The following KCNQ5 variants were observed in gnomAD, a reference collection of about 807,000 sequenced individuals.
KCNQ5 encodes potassium voltage-gated channel subfamily Q member 5.
KCNQ5 carries 30 observed loss-of-function variants against 98.2 expected under a neutral mutation model. That is an observed-to-expected ratio of 0.31 (90% CI 0.23 to 0.41). The LOEUF (loss-of-function observed/expected upper bound fraction) is 0.41. Among genes scored for constraint, KCNQ5 ranks in the 10% least tolerant of loss-of-function variants. The pLI is 1.00. For missense variants in KCNQ5, 835 were observed against 1,182.5 expected, an observed-to-expected ratio of 0.71 and a Z score of 4.31; for synonymous variants, 458 against 449.4, an observed-to-expected ratio of 1.02 and a Z score of -0.24.
intron 1 of KCNQ5, among the ~76,000 whole-genome samples, chr6:72,853,186 C>T (rs1382119128): frequency 1.3e-5 from 2 of 152,120 alleles, no homozygotes; most frequent in African/African-American, 2.4e-5. Flanking sequence ...TCTTATGTCC[C>T]CTTCTTCCAA....
chr6:73,187,606 A>C (rs1765425883), intron 11 of KCNQ5, among the ~76,000 whole-genome samples: 1 of 152,220 alleles, frequency 6.6e-6, no homozygotes, highest in African/African-American at 2.4e-5. Context: ...GAGTTTTAAA[A>C]TCTACTCTGT....
intron 1 of KCNQ5, among the ~76,000 whole-genome samples, chr6:72,785,517 G>A (rs569860656): frequency 6.6e-6 from 1 of 152,022 alleles, no homozygotes; most frequent in Non-Finnish European, 1.5e-5. Context: ...GGACATGATG[G>A]TGGGCGCCTG....
At chr6:72,939,866 T>C (rs1364111509) in intron 1 of KCNQ5, among the ~76,000 whole-genome samples, 1 of 152,210 alleles carries the variant, frequency 6.6e-6, no homozygotes, top group East Asian at 1.9e-4. Flanking sequence ...TTCACGTCTA[T>C]GAAGATGAGT....
intron 1 of KCNQ5, among the ~76,000 whole-genome samples, chr6:72,870,535 G>A (rs1431647713): frequency 6.6e-6 from 1 of 152,104 alleles, no homozygotes; most frequent in Non-Finnish European, 1.5e-5. Context: ...ACAAGTGTGA[G>A]CCACTGCACC....
chr6:72,921,412 G>T (rs1381141587), intron 1 of KCNQ5, among the ~76,000 whole-genome samples: 1 of 152,188 alleles, frequency 6.6e-6, no homozygotes, highest in East Asian at 1.9e-4. Context: ...AGTAGAAGAT[G>T]AGCAAGAAAT....
rs527451998 is a variant in KCNQ5 at position 73,053,335 on chromosome 6, T to C, written c.616+11273T>C. Among the ~76,000 whole-genome samples, 9 of 152,116 alleles carry C rather than the reference T, an allele frequency of 5.9e-5. 1 individual carries two copies. In the South Asian group the frequency reaches 1.9e-3, roughly 32 times the overall value. ...CATCCCACTGGCAGTATTAGACAGG[T>C]CATTGAGGCAGAAAACTAACAAAGA... On this transcript the variant is annotated intron_variant, in intron 3 of 13. Coordinates refer to ENST00000370398, the MANE Select transcript of KCNQ5 (RefSeq NM_019842.4).
rs184520849 is a variant in KCNQ5, at chr6:72,874,640, A to G, written c.399-129268A>G. 4.0e-3 allele frequency among the ~76,000 whole-genome samples: 606 copies of G among 152,228 alleles called. 2 individuals are homozygous for G. The highest frequency in any genetic ancestry group is 6.0e-3 in the Non-Finnish European group (410 of 68,004). The stretch of plus-strand genomic sequence containing the variant: ...CATAAATAATAATAATAACAGCTAC[A>G]TTTTACTGAGTGCCTGCCATAAACC... On this transcript the variant is annotated intron_variant, in intron 1 of 13. Transcript: ENST00000370398.
At chr6:72,718,147 T>G (rs1479493074) in intron 1 of KCNQ5, among the ~76,000 whole-genome samples, 1 of 152,150 alleles carries the variant, frequency 6.6e-6, no homozygotes, top group Non-Finnish European at 1.5e-5. Flanking sequence ...TGCTAAAAAT[T>G]TGCCTTGAGT....
At chr6:73,042,900 T>C (rs1044921532) in intron 3 of KCNQ5, among the ~76,000 whole-genome samples, 5 of 152,234 alleles carry the variant, frequency 3.3e-5, no homozygotes, top group Non-Finnish European at 7.3e-5. Flanking sequence ...GCTCTCTTGC[T>C]TTTTTGTCTT....
At chr6:72,924,040 C>T (rs1451657140) in intron 1 of KCNQ5, among the ~76,000 whole-genome samples, 2 of 152,146 alleles carry the variant, frequency 1.3e-5, no homozygotes, top group African/African-American at 2.4e-5. Flanking sequence ...TTTGCTAATA[C>T]TTTATGGGTT....
At chr6:72,791,440 C>A (rs1774038452) in intron 1 of KCNQ5, among the ~76,000 whole-genome samples, 3 of 152,152 alleles carry the variant, frequency 2.0e-5, no homozygotes. Flanking sequence ...TCACCCCAAG[C>A]ACACACATGG....
chr6:73,019,499 A>G (rs1770493191), intron 2 of KCNQ5, among the ~76,000 whole-genome samples: 1 of 152,108 alleles, frequency 6.6e-6, no homozygotes, highest in Non-Finnish European at 1.5e-5. Flanking sequence ...AACAACACAA[A>G]CTAAGTTTGG....
Position 73,123,066 on chromosome 6 carries a change from T to C in KCNQ5, c.1221-1420T>C, listed in dbSNP as rs182833369. On this transcript the variant is annotated intron_variant, in intron 8 of 13. Transcript: ENST00000370398. Reference sequence around the variant, plus strand: ...CATGTATGCATTCAACAATTACTCATTGAGCACCTATGATGTGCAAGGCAT... The same window carrying C: ...CATGTATGCATTCAACAATTACTCACTGAGCACCTATGATGTGCAAGGCAT... Among the ~76,000 whole-genome samples the C allele has an allele frequency of 2.6e-3, 391 of 151,950 alleles. 6 individuals are homozygous for C. Among genetic ancestry groups the C allele is most frequent in the African/African-American group, 7.8e-3 (324 of 41,402 alleles).
intron 10 of KCNQ5, among the ~76,000 whole-genome samples, chr6:73,138,464 G>C (rs1192725947): frequency 6.6e-6 from 1 of 152,168 alleles, no homozygotes; most frequent in Non-Finnish European, 1.5e-5. Flanking sequence ...GAAGGAGAAG[G>C]ACGTAGCTTT....
At chr6:73,041,209 C>G (rs577721918) in intron 2 of KCNQ5, among the ~76,000 whole-genome samples, 2 of 152,318 alleles carry the variant, frequency 1.3e-5, no homozygotes, top group South Asian at 2.1e-4. Flanking sequence ...TAATGAGCCA[C>G]TCTAGCTGGC....
At chr6:72,818,411 C>T (rs186074571) in intron 1 of KCNQ5, among the ~76,000 whole-genome samples, 56 of 152,106 alleles carry the variant, frequency 3.7e-4, no homozygotes, top group Non-Finnish European at 5.2e-4. Flanking sequence ...AATAAGCATA[C>T]TGCAAGAAGA....
At chr6:72,715,550 A>G (rs1480877966) in intron 1 of KCNQ5, among the ~76,000 whole-genome samples, 1 of 152,196 alleles carries the variant, frequency 6.6e-6, no homozygotes, top group African/African-American at 2.4e-5. Context: ...GAAGGAGCCA[A>G]TTCTAAAGTT....
intron 1 of KCNQ5, among the ~76,000 whole-genome samples, chr6:72,782,030 G>T (rs144653024): frequency 3.2e-4 from 48 of 152,054 alleles, no homozygotes; most frequent in South Asian, 1.0e-3. Flanking sequence ...CAAAACAATA[G>T]TATTGACTTT....
At position 72,980,221 on chromosome 6, in the gene KCNQ5, C is replaced by T. The variant is rs149284614; in HGVS notation, c.399-23687C>T. On this transcript the variant is annotated intron_variant, in intron 1 of 13. Transcript: ENST00000370398. The stretch of plus-strand genomic sequence containing the variant: ...TTTTCCAATTCTCTAAAGAAAGTCA[C>T]TGGTAGCTTAATGGGGATGGCATTG... Among the ~76,000 whole-genome samples the T allele has an allele frequency of 5.4e-3, 829 of 152,200 alleles. 11 individuals carry two copies. Among genetic ancestry groups the T allele is most frequent in the African/African-American group, 0.018 (762 of 41,532 alleles).
Sources: allele counts gnomAD v4.1 joint callset (sites outside exome capture counted in the v4.1 genomes callset), GRCh38; gene constraint gnomAD v4.1.1; transcripts MANE v1.5; gene names NCBI Gene and HGNC (gene_info 2026-07-23, HGNC 2026-07-21).